The following BMERB1 variants were observed in gnomAD, a reference collection of about 807,000 sequenced individuals.
BMERB1 encodes bMERB domain-containing protein 1.
A neutral mutation model predicts 23.6 loss-of-function variants in BMERB1; 12 were observed. The observed-to-expected ratio is 0.51, with a 90% CI of 0.33 to 0.82. BMERB1 has a LOEUF of 0.82. Among genes scored for constraint, BMERB1 ranks in the 40% least tolerant of loss-of-function variants. The probability of loss-of-function intolerance (pLI) is 0.03; values close to 1 mark genes in which losing one functional copy is unlikely to be tolerated. For missense variants in BMERB1, 247 were observed against 255.4 expected (o/e 0.97, Z 0.22); for synonymous variants, 122 against 96.6 (o/e 1.26, Z -1.54).
intron 1 of BMERB1, among the ~76,000 whole-genome samples, chr16:15,444,382 C>G (rs1331388975): frequency 2.0e-5 from 3 of 152,058 alleles, no homozygotes; most frequent in Admixed American, 1.3e-4. Flanking sequence ...TGACCCCACC[C>G]TTAAGAATTC....
At chr16:15,520,213 G>T (rs963722042) in intron 2 of BMERB1, among the ~76,000 whole-genome samples, 4 of 152,268 alleles carry the variant, frequency 2.6e-5, no homozygotes, top group Admixed American at 2.0e-4. Context: ...TGAACCCAAG[G>T]TGTCTGTCTC....
chr16:15,477,561 G>A (rs141615392), intron 1 of BMERB1, among the ~76,000 whole-genome samples: 2,196 of 152,208 alleles, frequency 0.014, 58 homozygotes, highest in African/African-American at 0.051. Flanking sequence ...AGCCTGGGAG[G>A]TTGAGGCTGC....
At chr16:15,569,854 A>C (rs1406639397) in intron 3 of BMERB1, among the ~76,000 whole-genome samples, 1 of 152,200 alleles carries the variant, frequency 6.6e-6, no homozygotes, top group Admixed American at 6.5e-5. Flanking sequence ...ATTTATGTCT[A>C]CACCTTAGCA....
chr16:15,578,978 G>A (rs1035512694), intron 3 of BMERB1, among the ~76,000 whole-genome samples: 4 of 152,192 alleles, frequency 2.6e-5, no homozygotes, highest in African/African-American at 9.6e-5. Context: ...GTGAGCTGAC[G>A]CAGGCCACTT....
chr16:15,470,539 T>C (rs1322055793), intron 1 of BMERB1, among the ~76,000 whole-genome samples: 2 of 151,968 alleles, frequency 1.3e-5, no homozygotes, highest in Non-Finnish European at 2.9e-5. Flanking sequence ...CTTTCTTTTT[T>C]TTTTTTAGAC....
At chr16:15,533,377 G>C (rs888762765) in intron 2 of BMERB1, among the ~76,000 whole-genome samples, 1 of 151,806 alleles carries the variant, frequency 6.6e-6, no homozygotes, top group Admixed American at 6.6e-5. Flanking sequence ...TTACGTGGAA[G>C]AGGAAGTTCG....
chr16:15,460,402 A>T (rs966972168), intron 1 of BMERB1, among the ~76,000 whole-genome samples: 2 of 152,156 alleles, frequency 1.3e-5, no homozygotes, highest in African/African-American at 4.8e-5. Flanking sequence ...TACGGAACAG[A>T]TGCATACTTC....
intron 1 of BMERB1, among the ~76,000 whole-genome samples, chr16:15,504,143 C>A (rs75028395): frequency 1.3e-5 from 2 of 152,272 alleles, no homozygotes; most frequent in South Asian, 2.1e-4. Context: ...ATGGCTCAAG[C>A]GTGAGAGCTG....
At chr16:15,563,294 C>T (rs1198695824) in intron 2 of BMERB1, among the ~76,000 whole-genome samples, 7 of 150,264 alleles carry the variant, frequency 4.7e-5, no homozygotes, top group African/African-American at 7.6e-5. Context: ...AATCTTGGCC[C>T]GCTGCAACCT....
intron 2 of BMERB1, among the ~76,000 whole-genome samples, chr16:15,561,057 G>GTATTCTCC (rs2150969699): frequency 7.3e-6 from 1 of 137,898 alleles, no homozygotes; most frequent in East Asian, 2.5e-4. Context: ...CTGGGTTCAA[G>GTATTCTCC]TATTCTCCTG....
At position 15,457,105 on chromosome 16, in the gene BMERB1, C is replaced by T. The variant is rs545946607; in HGVS notation, c.106+22346C>T. On this transcript the variant is annotated intron_variant, in intron 1 of 5. Coordinates refer to ENST00000300006, the MANE Select transcript of BMERB1 (RefSeq NM_033201.3). The stretch of plus-strand genomic sequence containing the variant: ...CCTCCCAAAATGCTGGGATTGTAGG[C>T]ATGAGGCACTGTGCCCAGCCTCCTC... 3.3e-5 allele frequency among the ~76,000 whole-genome samples: 5 copies of T among 152,268 alleles called. No homozygotes were observed. The East Asian group carries it at 9.6e-4, about 29-fold the overall frequency.
intron 1 of BMERB1, among the ~76,000 whole-genome samples, chr16:15,438,990 T>C (rs923954705): frequency 4.6e-5 from 7 of 152,174 alleles, no homozygotes; most frequent in African/African-American, 1.7e-4. Flanking sequence ...AAAGAAGACA[T>C]GCTCTGTTTA....
intron 2 of BMERB1, among the ~76,000 whole-genome samples, chr16:15,546,363 C>G (rs975562270): frequency 1.3e-5 from 2 of 152,082 alleles, no homozygotes; most frequent in Non-Finnish European, 2.9e-5. Flanking sequence ...GTGAGTCCTG[C>G]TATCTGCAGG....
chr16:15,534,040 C>T (rs1277296835), intron 2 of BMERB1, among the ~76,000 whole-genome samples: 1 of 152,044 alleles, frequency 6.6e-6, no homozygotes, highest in Non-Finnish European at 1.5e-5. Context: ...GAATATGAAA[C>T]TCAGATGCTT....
chr16:15,567,940 T>C (rs1174575287), intron 2 of BMERB1, 43 bp from the exon 3 acceptor site: 1 of 1,574,716 alleles, frequency 6.4e-7, no homozygotes, highest in East Asian at 2.3e-5. Context: ...GGCGTAATGC[T>C]CTGCTGATGT....
chr16:15,542,791 G>T (rs1238685390), intron 2 of BMERB1, among the ~76,000 whole-genome samples: 1 of 152,112 alleles, frequency 6.6e-6, no homozygotes, highest in African/African-American at 2.4e-5. Flanking sequence ...CAGGGGTGTG[G>T]CTCGCTTACT....
intron 2 of BMERB1, among the ~76,000 whole-genome samples, chr16:15,550,633 C>T (rs549567867): frequency 6.6e-5 from 10 of 152,190 alleles, no homozygotes; most frequent in Middle Eastern, 3.4e-3. Flanking sequence ...CCACCGCGCC[C>T]GGCCTGAAAG....
intron 1 of BMERB1, among the ~76,000 whole-genome samples, chr16:15,472,635 T>A (rs1481410250): frequency 1.3e-5 from 2 of 152,156 alleles, no homozygotes; most frequent in African/African-American, 4.8e-5. Context: ...ATCATTATAT[T>A]TGAAGTGAGT....
chr16:15,496,982 G>A (rs1007737575), intron 1 of BMERB1, among the ~76,000 whole-genome samples: 4 of 152,210 alleles, frequency 2.6e-5, no homozygotes, highest in African/African-American at 9.6e-5. Flanking sequence ...GAAGCAAGGG[G>A]CCATAAGCCA....
Sources: allele counts gnomAD v4.1 joint callset (sites outside exome capture counted in the v4.1 genomes callset), GRCh38; gene constraint gnomAD v4.1.1; transcripts MANE v1.5; gene names NCBI Gene and HGNC (gene_info 2026-07-23, HGNC 2026-07-21).